TTYH3: variants seen among roughly 807,000 people sequenced by gnomAD.
The protein encoded by TTYH3 is tweety family member 3, also known as protein tweety homolog 3.
A neutral mutation model predicts 68.2 loss-of-function variants in TTYH3; 23 were observed. That is an observed-to-expected ratio of 0.34 (90% CI 0.24 to 0.48). TTYH3 has a LOEUF of 0.48. Among genes scored for constraint, TTYH3 ranks in the 20% least tolerant of loss-of-function variants. The pLI is 0.99. For synonymous variants in TTYH3, 360 were observed against 332.8 expected, an observed-to-expected ratio of 1.08 and a Z score of -0.89; for missense variants, 768 against 727.7, an observed-to-expected ratio of 1.06 and a Z score of -0.64.
In TTYH3 at chr7:2,660,071, G is replaced by A. The variant is rs1786450349; in HGVS notation, c.1500+1056G>A. Reference sequence around the variant, plus strand: ...GACCCACCGGTCCCCCATCCCGCACGGCCACCCGCCTGCGCCTCCCGCCTC... The same window carrying A: ...GACCCACCGGTCCCCCATCCCGCACAGCCACCCGCCTGCGCCTCCCGCCTC... On this transcript the variant is annotated intron_variant, in intron 13 of 13. Coordinates refer to ENST00000258796, the MANE Select transcript of TTYH3 (RefSeq NM_025250.3). The A allele has an allele frequency of 4.6e-6, 6 of 1,291,732 alleles. No individual in the cohort carries two copies. The Admixed American group carries it at 9.3e-5, about 20-fold the overall frequency. 80.0% of individuals were successfully genotyped at this position (1,291,732 alleles called of 1,614,324 possible). A position where few individuals can be genotyped will look rare whatever the true frequency, so the allele number is the denominator to read the frequency against.
At position 2,661,872 on chromosome 7, in the gene TTYH3, T is replaced by C; in HGVS notation, c.*133T>C. 1.0e-6 allele frequency: 1 copy of C among 985,442 alleles called. No individual in the cohort carries two copies. The highest frequency in any genetic ancestry group is 1.5e-5 in the South Asian group (1 of 66,666). The allele number at this position is 985,442 out of a possible 1,614,324, so 61.0% of individuals were successfully genotyped here. On this transcript the variant is annotated 3_prime_UTR_variant, in exon 14 of 14. Transcript: ENST00000258796. The stretch of plus-strand genomic sequence containing the variant: ...TGCCCCAGACGCGTCTGCAGGCCGC[T>C]TGCCCTCCTGTCCCCTCCCCGCAGG...
intron 9 of TTYH3, among the ~76,000 whole-genome samples, chr7:2,654,237 A>G (rs1306283399): frequency 1.3e-5 from 2 of 152,108 alleles, no homozygotes; most frequent in East Asian, 3.9e-4. Context: ...CTACAAAAAA[A>G]TACAAAAACT....
At position 2,647,398 on chromosome 7, in the gene TTYH3, C is replaced by T. The variant is rs1786026388; in HGVS notation, c.406-20C>T. ...CGAGGCGGGCGCGCTCCCAGCCTCA[C>T]GCCCGCGGGTCCGGCGCAGGTGTGG... On this transcript the variant is annotated intron_variant, in intron 3 of 13. Transcript: ENST00000258796. The T allele has an allele frequency of 8.8e-6, 13 of 1,471,554 alleles. No individual in the cohort carries two copies. Among genetic ancestry groups the T allele is most frequent in the Non-Finnish European group, 1.1e-5 (12 of 1,116,540 alleles). The allele number at this position is 1,471,554 out of a possible 1,614,324, so 91.2% of individuals were successfully genotyped here.
chr7:2,641,705 C>G (rs1481116366), intron 1 of TTYH3, among the ~76,000 whole-genome samples: 1 of 152,348 alleles, frequency 6.6e-6, no homozygotes, highest in East Asian at 1.9e-4. Context: ...GTGGCTGGGC[C>G]ACCGTAGGAA....
intron 3 of TTYH3, 58 bp from the exon 4 acceptor site, chr7:2,647,360 C>A: frequency 6.8e-7 from 1 of 1,475,384 alleles, no homozygotes; most frequent in Non-Finnish European, 8.9e-7. Flanking sequence ...CAGGAGGGGC[C>A]CAGACTCTGG....
rs1786540561 is a variant in TTYH3, at chr7:2,663,330, C to T, written c.*1591C>T. ...CGGCAGCTACCTGGACCGGAAATGT[C>T]CTCATCCCCTCCCTGGGGCCAGGCT... On this transcript the variant is annotated 3_prime_UTR_variant, in exon 14 of 14. Coordinates refer to ENST00000258796, the MANE Select transcript of TTYH3 (RefSeq NM_025250.3). 1 of 152,836 alleles carries T rather than the reference C, an allele frequency of 6.5e-6. No individual in the cohort carries two copies. Among genetic ancestry groups the T allele is most frequent in the Non-Finnish European group, 1.5e-5 (1 of 68,130 alleles). The allele number at this position is 152,836 out of a possible 1,614,324, so 9.5% of individuals were successfully genotyped here. A position where few individuals can be genotyped will look rare whatever the true frequency, so the allele number is the denominator to read the frequency against.
At chr7:2,649,388 T>A (rs1786096755) in intron 5 of TTYH3, among the ~76,000 whole-genome samples, 179 bp from the exon 6 acceptor site, 1 of 152,050 alleles carries the variant, frequency 6.6e-6, no homozygotes, top group South Asian at 2.1e-4. Context: ...AGGAGAGGGA[T>A]CCATCTGGGC....
intron 9 of TTYH3, among the ~76,000 whole-genome samples, chr7:2,653,803 C>T (rs1034111981): frequency 1.3e-5 from 2 of 152,184 alleles, no homozygotes; most frequent in South Asian, 2.1e-4. Flanking sequence ...GCAGAGATTG[C>T]GGTGAGCGGA....
Position 2,648,023 on chromosome 7 carries a change from C to T in TTYH3, c.691C>T (p.Leu231Phe), listed in dbSNP as rs775074174. The T allele has an allele frequency of 4.3e-6, 7 of 1,610,842 alleles. No homozygotes were observed. The highest frequency in any genetic ancestry group is 8.5e-7 in the Non-Finnish European group (1 of 1,179,856). ...CATCTGCCTCCTGGTGCTGGTTGGC[C>T]TCATCCGCAGCTCCAAGGGCATCCT... ...VIICLLVLVG[L>F]IRSSKGILVG... Residue 231 changes from leucine (L) to phenylalanine (F), a missense_variant, in exon 5 of 14, where the codon CTC (leucine) becomes TTC (phenylalanine). Coordinates refer to ENST00000258796, the MANE Select transcript of TTYH3 (RefSeq NM_025250.3).
chr7:2,654,753 T>G (rs565007761), intron 9 of TTYH3, among the ~76,000 whole-genome samples: 1 of 152,178 alleles, frequency 6.6e-6, no homozygotes. Context: ...TCTGTGGGTG[T>G]CTGTGTCTTG....
chr7:2,645,255 G>A lies in TTYH3; in HGVS notation c.124-1598G>A, dbSNP rs1051713197. Among the ~76,000 whole-genome samples the A allele has an allele frequency of 6.6e-6, 1 of 152,124 alleles. No individual in the cohort carries two copies. Among genetic ancestry groups the A allele is most frequent in the Non-Finnish European group, 1.5e-5 (1 of 68,016 alleles). On this transcript the variant is annotated intron_variant, in intron 1 of 13. Transcript: ENST00000258796. The surrounding 1 kb of genome is among the most constrained non-coding windows in gnomAD (Gnocchi z 4.8). The stretch of plus-strand genomic sequence containing the variant: ...TTCTGGAGGGCTGAGCCGGGGGCAG[G>A]GCTATGCTGAATCCAGGGACCTGGG...
At position 2,646,960 on chromosome 7, in the gene TTYH3, G is replaced by A. The variant is rs752083995; in HGVS notation, c.231G>A (p.Glu77=). 5 of 1,598,712 alleles carry A rather than the reference G, an allele frequency of 3.1e-6. No homozygotes were observed. In the Admixed American group the frequency reaches 5.1e-5, roughly 16 times the overall value. Residue 77 remains glutamate (E), a synonymous_variant, in exon 2 of 14, where the codon GAG becomes GAA. Transcript: ENST00000258796. ...GCTGCCGGCGGCGCAAGAGCGAGGA[G>A]CACCTGGACGCCGACTGCTGCTGCA... ...WLCCRRRKSE[E]HLDADCCCTA...
At chr7:2,647,702 T>A in intron 4 of TTYH3, 64 bp downstream of exon 4, 1 of 1,502,520 alleles carries the variant, frequency 6.7e-7, no homozygotes. Context: ...TTGGGCCAAT[T>A]TTTGCTCTCA....
rs1428724188 is a variant in TTYH3, at chr7:2,656,149, C to G, written c.1078C>G (p.Leu360Val). 1.3e-6 allele frequency: 2 copies of G among 1,571,154 alleles called. No homozygotes were observed. Among genetic ancestry groups the G allele is most frequent in the African/African-American group, 1.4e-5 (1 of 73,900 alleles). Reference sequence around the variant, plus strand: ...TGGCACGGAGGTGAACCTGCAGCACCTCACCGCCCTGGTGGACTGCCGCAG... The same window carrying G: ...TGGCACGGAGGTGAACCTGCAGCACGTCACCGCCCTGGTGGACTGCCGCAG... Reference protein sequence around the residue: ...LNGTEVNLQHLTALVDCRSLH... With the variant: ...LNGTEVNLQHVTALVDCRSLH... Residue 360 changes from leucine (L) to valine (V), a missense_variant, in exon 10 of 14, where the codon CTC becomes GTC. Coordinates refer to ENST00000258796, the MANE Select transcript of TTYH3 (RefSeq NM_025250.3).
intron 7 of TTYH3, among the ~76,000 whole-genome samples, chr7:2,651,742 TG>T (rs965983025): frequency 4.0e-5 from 6 of 151,888 alleles, no homozygotes; most frequent in South Asian, 2.1e-4. Flanking sequence ...ACTTTTAAAA[TG>T]TTTTTTTTTA....
At chr7:2,641,474 C>T (rs1453783800) in intron 1 of TTYH3, among the ~76,000 whole-genome samples, 2 of 152,102 alleles carry the variant, frequency 1.3e-5, no homozygotes, top group African/African-American at 4.8e-5. Context: ...GAGGGGGTCG[C>T]CCCCAGCCCC....
chr7:2,650,429 T>C lies in TTYH3; in HGVS notation c.871+441T>C, dbSNP rs960121980. Among the ~76,000 whole-genome samples, 5 of 152,012 alleles carry C rather than the reference T, an allele frequency of 3.3e-5. No homozygotes were observed. In the South Asian group the frequency reaches 1.0e-3, roughly 32 times the overall value. On this transcript the variant is annotated intron_variant, in intron 7 of 13. Transcript: ENST00000258796. ...CCTGTCTCTACTAAAAATACACAAA[T>C]GAGCTGGGTGTGGTCGTGGGTGCCT...
intron 1 of TTYH3, among the ~76,000 whole-genome samples, chr7:2,638,806 G>A (rs371723301): frequency 1.8e-4 from 28 of 152,280 alleles, no homozygotes; most frequent in African/African-American, 5.8e-4. Context: ...CAGCTTGGCC[G>A]CATGGGGGGC....
rs1285628240 is a variant in TTYH3 at position 2,647,231 on chromosome 7, C to T, written c.383C>T (p.Thr128Met). 1.3e-6 allele frequency: 2 copies of T among 1,596,172 alleles called. No individual in the cohort carries two copies. Among genetic ancestry groups the T allele is most frequent in the Non-Finnish European group, 1.7e-6 (2 of 1,174,314 alleles). ...TACTCGCTCCGCCACGCCAACCGCA[C>T]GGTGGCCGGGGTCCAGGACCGCGTG... is the stretch of plus-strand genomic sequence containing the variant. Reference protein sequence around the residue: ...ATYSLRHANRTVAGVQDRVWD... With the variant: ...ATYSLRHANRMVAGVQDRVWD... The change falls in exon 3 of 14, where the codon ACG becomes ATG. Residue 128 changes from threonine to methionine, a missense_variant. Thr to Met is a moderately conservative substitution (Grantham distance 81). Coordinates refer to ENST00000258796, the MANE Select transcript of TTYH3 (RefSeq NM_025250.3).
Sources: allele counts gnomAD v4.1 joint callset (sites outside exome capture counted in the v4.1 genomes callset), GRCh38; gene constraint gnomAD v4.1.1; non-coding constraint Gnocchi (gnomAD v3.1); transcripts MANE v1.5; gene names NCBI Gene and HGNC (gene_info 2026-07-23, HGNC 2026-07-21).